SIPA1L2: variants seen among roughly 807,000 people sequenced by gnomAD.
SIPA1L2 encodes signal-induced proliferation-associated 1-like protein 2.
In SIPA1L2, 56 loss-of-function variants were observed where a neutral mutation model predicts 163.9. The observed-to-expected ratio is 0.34, with a 90% CI of 0.28 to 0.43. SIPA1L2 has a LOEUF of 0.43. Ranked by LOEUF, SIPA1L2 falls within the 20% of genes least tolerant of loss-of-function variation. The pLI, the probability that SIPA1L2 is intolerant of heterozygous loss-of-function variation, is 1.00. For missense variants in SIPA1L2, 1,974 were observed against 2,193.5 expected, an observed-to-expected ratio of 0.90 and a Z score of 2.00; for synonymous variants, 877 against 865.7, an observed-to-expected ratio of 1.01 and a Z score of -0.23.
At position 232,428,504 on chromosome 1, in the gene SIPA1L2, A is replaced by C; in HGVS notation, c.4317T>G (p.Asp1439Glu). ...GAACATGTTGAGTCTCTGCAACAGCATCTCCCACCACTGTCTGATGCTGAG... is the reference window on the plus strand; with the variant it reads ...GAACATGTTGAGTCTCTGCAACAGCCTCTCCCACCACTGTCTGATGCTGAG... ...TATQHQTVVGDAVAETQHVLS... is the reference protein window; with the variant it reads ...TATQHQTVVGEAVAETQHVLS... Residue 1439 changes from aspartate to glutamate, a missense_variant, in exon 17 of 23, where the codon GAT becomes GAG. Transcript: ENST00000674635. 1 of 1,600,834 alleles carries C rather than the reference A, an allele frequency of 6.2e-7. No individual in the cohort carries two copies.
chr1:232,585,087 A>C (rs1660585116), intron 1 of SIPA1L2, among the ~76,000 whole-genome samples: 1 of 152,224 alleles, frequency 6.6e-6, no homozygotes, highest in Non-Finnish European at 1.5e-5. Context: ...TATACACCTA[A>C]AAGTAGAAAC....
At chr1:232,415,084 G>A (rs1005963067) in intron 19 of SIPA1L2, among the ~76,000 whole-genome samples, 11 of 152,260 alleles carry the variant, frequency 7.2e-5, no homozygotes, top group Non-Finnish European at 1.0e-4. Context: ...CAGACTTCTC[G>A]GCCTGTGCTT....
intron 16 of SIPA1L2, among the ~76,000 whole-genome samples, chr1:232,429,702 C>T (rs1207247413): frequency 2.0e-5 from 3 of 151,352 alleles, no homozygotes; most frequent in South Asian, 2.1e-4. Flanking sequence ...ATGGGAGCTA[C>T]AAGAAGAAAC....
At chr1:232,436,536 C>T (rs1662572703) in intron 15 of SIPA1L2, among the ~76,000 whole-genome samples, 1 of 152,186 alleles carries the variant, frequency 6.6e-6, no homozygotes, top group Admixed American at 6.5e-5. Context: ...AGCCCTCCAG[C>T]AGTAGGCCTC....
At chr1:232,520,305 A>G (rs76175920) in intron 2 of SIPA1L2, among the ~76,000 whole-genome samples, 2,871 of 152,232 alleles carry the variant, frequency 0.019, 96 homozygotes, top group African/African-American at 0.064. Context: ...CCAGACAGAA[A>G]CCCCACAGGT....
chr1:232,462,451 C>T, intron 9 of SIPA1L2: 1 of 1,224,496 alleles, frequency 8.2e-7, no homozygotes, highest in Non-Finnish European at 1.1e-6. Flanking sequence ...TCATGTATCA[C>T]CACTGTGTCT....
intron 2 of SIPA1L2, among the ~76,000 whole-genome samples, chr1:232,553,696 T>C (rs1658537527): frequency 6.6e-6 from 1 of 152,214 alleles, no homozygotes; most frequent in Non-Finnish European, 1.5e-5. Flanking sequence ...TTTAATGTTT[T>C]CTTCTCCTTA....
At position 232,464,968 on chromosome 1, in the gene SIPA1L2, T is replaced by C; in HGVS notation, c.2692A>G (p.Arg898Gly). 1.9e-6 allele frequency: 3 copies of C among 1,614,230 alleles called. No homozygotes were observed. Among genetic ancestry groups the C allele is most frequent in the East Asian group, 2.2e-5 (1 of 44,892 alleles). Reference sequence around the variant, plus strand: ...CCAGATGTCCACCCAATCACATCCCTGCAGGAACAGTTGAATACAACATTC... The same window carrying C: ...CCAGATGTCCACCCAATCACATCCCCGCAGGAACAGTTGAATACAACATTC... Reference protein sequence around the residue: ...SKNVVFNCSCRDVIGWTSGLV... With the variant: ...SKNVVFNCSCGDVIGWTSGLV... The change falls in exon 9 of 23, where the codon AGG becomes GGG. Residue 898 changes from arginine (R) to glycine (G), a missense_variant. By Grantham distance (125) the Arg-to-Gly change is moderately radical. Around this residue, in one of 3 missense-constraint regions of SIPA1L2, gnomAD observed 1,079 missense variants for 1,150.7 expected, o/e 0.94. Transcript: ENST00000674635.
chr1:232,614,684 C>T (rs1263270531), intron 1 of SIPA1L2, among the ~76,000 whole-genome samples: 2 of 152,194 alleles, frequency 1.3e-5, no homozygotes, highest in Non-Finnish European at 2.9e-5. Context: ...TAATACACCT[C>T]GAGCAGACAG....
intron 10 of SIPA1L2, among the ~76,000 whole-genome samples, chr1:232,451,026 T>C (rs1188703270): frequency 2.0e-5 from 3 of 152,232 alleles, no homozygotes; most frequent in African/African-American, 7.2e-5. Flanking sequence ...CTCAAAAGAA[T>C]GGTTTTATTT....
At chr1:232,462,389 C>A (rs540791222) in intron 9 of SIPA1L2, 1 of 1,478,334 alleles carries the variant, frequency 6.8e-7, no homozygotes, top group Admixed American at 2.3e-5. Context: ...TACATAGATA[C>A]CTATTTAATA....
At chr1:232,504,663 A>C (rs2103024425) in intron 3 of SIPA1L2, among the ~76,000 whole-genome samples, 1 of 152,360 alleles carries the variant, frequency 6.6e-6, no homozygotes, top group Middle Eastern at 3.4e-3. Flanking sequence ...TTTGTCATGT[A>C]AATTTTTGCT....
chr1:232,510,679 T>C (rs1666939482), intron 3 of SIPA1L2, among the ~76,000 whole-genome samples: 1 of 152,054 alleles, frequency 6.6e-6, no homozygotes, highest in African/African-American at 2.4e-5. Context: ...AGAGAAAAAC[T>C]ACAAGTAGCA....
At chr1:232,475,363 A>T (rs1664989171) in intron 7 of SIPA1L2, among the ~76,000 whole-genome samples, 1 of 152,158 alleles carries the variant, frequency 6.6e-6, no homozygotes, top group Non-Finnish European at 1.5e-5. Context: ...TTTTAGGGAG[A>T]TGGCCCTAAT....
chr1:232,470,808 C>T (rs906331508), intron 8 of SIPA1L2, among the ~76,000 whole-genome samples: 3 of 152,144 alleles, frequency 2.0e-5, no homozygotes, highest in Non-Finnish European at 1.5e-5. Context: ...TGGTCAAAGA[C>T]CCATTGTTTT....
chr1:232,514,822 T>C lies in SIPA1L2; in HGVS notation c.518A>G (p.Asp173Gly). The C allele has an allele frequency of 6.2e-7, 1 of 1,614,202 alleles. No homozygotes were observed. The highest frequency in any genetic ancestry group is 2.2e-5 in the East Asian group (1 of 44,866). The change falls in exon 3 of 23, where the codon GAT becomes GGT. Residue 173 changes from aspartate to glycine, a missense_variant. Transcript: ENST00000674635. ...GTTGACTGCATTTTGGTCTAAGACA[T>C]CTTCGGCATCAATGTCACTGATAGT... Reference protein sequence around the residue: ...DVTISDIDAEDVLDQNAVNPN... With the variant: ...DVTISDIDAEGVLDQNAVNPN...
chr1:232,562,358 T>C (rs1659088927), intron 2 of SIPA1L2, among the ~76,000 whole-genome samples: 2 of 152,230 alleles, frequency 1.3e-5, no homozygotes, highest in African/African-American at 4.8e-5. Flanking sequence ...AATCTTTACT[T>C]GGCTAATTGC....
chr1:232,422,081 G>A (rs1271978495), intron 18 of SIPA1L2, among the ~76,000 whole-genome samples: 1 of 152,168 alleles, frequency 6.6e-6, no homozygotes. Context: ...TGTGGCCTGT[G>A]AACTGTGTGT....
chr1:232,614,284 A>G (rs984199534), intron 1 of SIPA1L2, among the ~76,000 whole-genome samples: 2 of 152,164 alleles, frequency 1.3e-5, no homozygotes, highest in African/African-American at 2.4e-5. Flanking sequence ...GGAAAGTCAA[A>G]GCACACACAT....
Sources: gnomAD v4.1 joint callset for allele counts (sites outside exome capture counted in the v4.1 genomes callset) on GRCh38, gnomAD v4.1.1 for gene constraint, gnomAD v4.1.1 regional missense constraint, MANE v1.5 for transcripts, NCBI Gene and HGNC (gene_info 2026-07-23, HGNC 2026-07-21) for gene names.